BFAR: variants seen among roughly 807,000 people sequenced by gnomAD.
The protein encoded by BFAR is bifunctional apoptosis regulator.
BFAR carries 52 observed loss-of-function variants against 54.4 expected under a neutral mutation model. The ratio of observed to expected loss-of-function variants is 0.96; its 90% confidence interval spans 0.77 to 1.21. BFAR has a LOEUF of 1.21. BFAR is among the 50% of genes most tolerant of loss of function. BFAR has a pLI of 0.00. For synonymous variants in BFAR, 215 were observed against 204.3 expected (o/e 1.05, Z -0.45); for missense variants, 571 against 534.0 (o/e 1.07, Z -0.68).
chr16:14,643,149 C>A (rs903077592), intron 1 of BFAR, among the ~76,000 whole-genome samples: 3 of 152,132 alleles, frequency 2.0e-5, no homozygotes, highest in African/African-American at 7.2e-5. Flanking sequence ...CCCGTCTCTA[C>A]TAAAAATACA....
rs1214102628 is a variant in BFAR at position 14,656,267 on chromosome 16, CTATA to C, written c.783+1058_783+1061del. Among the ~76,000 whole-genome samples the C allele has an allele frequency of 1.3e-3, 203 of 152,090 alleles. 2 individuals are homozygous for C. The highest frequency in any genetic ancestry group is 0.011 in the Admixed American group (169 of 15,250). On this transcript the variant is annotated intron_variant, in intron 5 of 7. Transcript: ENST00000261658. ...GTGGGCTGGGCATGGTGGTTCACAA[CTATA>C]ATGCTAGTACTTTGGAAGGCTGAGG...
At chr16:14,657,524 A>G (rs1960162878) in intron 5 of BFAR, among the ~76,000 whole-genome samples, 1 of 151,570 alleles carries the variant, frequency 6.6e-6, no homozygotes, top group Non-Finnish European at 1.5e-5. Flanking sequence ...CTGGGATTAC[A>G]GGTGTGAGCC....
intron 7 of BFAR, 84 bp from the exon 8 acceptor site, chr16:14,667,551 C>A: frequency 1.5e-6 from 2 of 1,313,728 alleles, no homozygotes; most frequent in African/African-American, 1.5e-5. Flanking sequence ...CTCTTCCCAG[C>A]ACCCAGAAAA....
At chr16:14,651,513 A>G (rs909775544) in intron 4 of BFAR, among the ~76,000 whole-genome samples, 6 of 151,866 alleles carry the variant, frequency 4.0e-5, no homozygotes, top group Non-Finnish European at 8.8e-5. Context: ...ACAGGGTCTC[A>G]CTCTGTAGCC....
At chr16:14,636,853 T>G (rs1206766439) in intron 1 of BFAR, among the ~76,000 whole-genome samples, 2 of 152,224 alleles carry the variant, frequency 1.3e-5, no homozygotes, top group Admixed American at 6.5e-5. Context: ...TAGGGAGTGG[T>G]GATGACTCTT....
intron 7 of BFAR, among the ~76,000 whole-genome samples, chr16:14,665,462 G>A (rs1960416466): frequency 6.6e-6 from 1 of 152,090 alleles, no homozygotes; most frequent in African/African-American, 2.4e-5. Flanking sequence ...GGAAGAAGCT[G>A]GCAAATTCAG....
rs1388430570 is a variant in BFAR, at chr16:14,655,058, C to A, written c.639-8C>A. 4.4e-6 allele frequency: 7 copies of A among 1,598,166 alleles called. No homozygotes were observed. The Admixed American group carries it at 5.4e-5, about 12-fold the overall frequency. ...TCGCAAAATAAATCTCCTCCTGCCC[C>A]TCTACAGGTTGCTTTTAACTTTGAC... On this transcript the variant is annotated splice_region_variant and splice_polypyrimidine_tract_variant and intron_variant, in intron 4 of 7. Transcript: ENST00000261658.
At chr16:14,637,961 T>C (rs1959505536) in intron 1 of BFAR, among the ~76,000 whole-genome samples, 1 of 151,758 alleles carries the variant, frequency 6.6e-6, no homozygotes, top group African/African-American at 2.4e-5. Context: ...AAAAATAAGG[T>C]GATAAATACA....
intron 6 of BFAR, among the ~76,000 whole-genome samples, chr16:14,663,543 G>A (rs1411547338): frequency 6.6e-6 from 1 of 150,718 alleles, no homozygotes; most frequent in African/African-American, 2.4e-5. Flanking sequence ...GTGTCAGCCA[G>A]GATGGTCTTG....
intron 1 of BFAR, among the ~76,000 whole-genome samples, chr16:14,637,881 G>A (rs185953889): frequency 1.3e-5 from 2 of 149,976 alleles, no homozygotes; most frequent in African/African-American, 4.9e-5. Context: ...TATTTCCAAT[G>A]CTGTATTTTC....
intron 1 of BFAR, among the ~76,000 whole-genome samples, chr16:14,637,437 C>G (rs998672566): frequency 6.6e-6 from 1 of 152,118 alleles, no homozygotes; most frequent in African/African-American, 2.4e-5. Flanking sequence ...TGGCTCTGCC[C>G]TTTACTAGTT....
chr16:14,649,799 C>T lies in BFAR; in HGVS notation c.469-5C>T. On this transcript the variant is annotated splice_region_variant and splice_polypyrimidine_tract_variant and intron_variant, in intron 3 of 7. Transcript: ENST00000261658. ...TGGTTTAAAGTCCCTGTCACTTTTC[C>T]CCAGGTGGTCCTGCTCGTCTATCAC... is the stretch of plus-strand genomic sequence containing the variant. 6.3e-7 allele frequency: 1 copy of T among 1,587,242 alleles called. No individual in the cohort carries two copies. The highest frequency in any genetic ancestry group is 8.6e-7 in the Non-Finnish European group (1 of 1,163,484).
At chr16:14,650,203 C>T in intron 4 of BFAR, 1 of 366,794 alleles carries the variant, frequency 2.7e-6, no homozygotes, top group East Asian at 4.2e-5. Context: ...GTAGTGCACA[C>T]CTTGTAATCC....
intron 2 of BFAR, among the ~76,000 whole-genome samples, chr16:14,645,635 A>G (rs1445743677): frequency 6.6e-6 from 1 of 152,184 alleles, no homozygotes; most frequent in African/African-American, 2.4e-5. Flanking sequence ...CTTTTTCACA[A>G]AAGATGTGTT....
Position 14,662,049 on chromosome 16 carries a change from TC to T in BFAR, c.942del (p.Ile314MetfsTer30). On this transcript the variant is annotated frameshift_variant, in exon 6 of 8. Transcript: ENST00000261658. LOFTEE classifies it high-confidence loss of function. The stretch of plus-strand genomic sequence containing the variant: ...CAAGAAGACAGCTCTGGGGAGGACA[TC>T]GTCACCAAGCTTCTGGTAGGTCTGC... ...PLQEDSSGED[I>X]VTKLLDLKEP... 1 of 1,614,144 alleles carries T rather than the reference TC, an allele frequency of 6.2e-7. No homozygotes were observed. Among genetic ancestry groups the T allele is most frequent in the Non-Finnish European group, 8.5e-7 (1 of 1,180,030 alleles).
chr16:14,655,736 G>A (rs1211941367), intron 5 of BFAR, among the ~76,000 whole-genome samples: 5 of 152,032 alleles, frequency 3.3e-5, no homozygotes, highest in African/African-American at 1.2e-4. Context: ...CACCGCGCCT[G>A]GCCTGTTTTA....
rs1959727777 is a variant in BFAR at position 14,644,482 on chromosome 16, A to G, written c.136A>G (p.Thr46Ala). 4 of 1,613,950 alleles carry G rather than the reference A, an allele frequency of 2.5e-6. No individual in the cohort carries two copies. The highest frequency in any genetic ancestry group is 2.2e-5 in the East Asian group (1 of 44,862). ...CTACGACATCCTGGTTAACCCCACC[A>G]CCTTGAACTGTGGGCACAGCTTCTG... ...CCYDILVNPTTLNCGHSFCRH... is the reference protein window; with the variant it reads ...CCYDILVNPTALNCGHSFCRH... Residue 46 changes from threonine (T) to alanine (A), a missense_variant, in exon 2 of 8, where the codon ACC becomes GCC. Transcript: ENST00000261658.
intron 5 of BFAR, among the ~76,000 whole-genome samples, chr16:14,659,485 C>T (rs1350825341): frequency 1.3e-5 from 2 of 151,866 alleles, no homozygotes; most frequent in African/African-American, 4.8e-5. Context: ...CTCAGGCAAT[C>T]TGCCTGCATC....
chr16:14,648,796 T>C lies in BFAR; in HGVS notation c.468+204T>C, dbSNP rs560668537. 2.0e-5 allele frequency among the ~76,000 whole-genome samples: 3 copies of C among 152,240 alleles called. No individual in the cohort carries two copies. In the South Asian group the frequency reaches 6.2e-4, roughly 32 times the overall value. ...AGGTAGATCAGATCATAGTACCTAG[T>C]AAATGGAGAAAGGTGGTAGAACTGG... On this transcript the variant is annotated intron_variant, in intron 3 of 7. Transcript: ENST00000261658.
Sources: gnomAD v4.1 joint callset for allele counts (sites outside exome capture counted in the v4.1 genomes callset) on GRCh38, gnomAD v4.1.1 for gene constraint, MANE v1.5 for transcripts, NCBI Gene and HGNC (gene_info 2026-07-23, HGNC 2026-07-21) for gene names.